TNKS1BP1: variants seen among roughly 807,000 people sequenced by gnomAD.
TNKS1BP1 encodes the protein CCR4-NOT transcription complex subunit 12.
TNKS1BP1 carries 48 observed loss-of-function variants against 141.1 expected under a neutral mutation model. That is an observed-to-expected ratio of 0.34 (90% CI 0.27 to 0.43). The LOEUF (loss-of-function observed/expected upper bound fraction) is 0.43. Among genes scored for constraint, TNKS1BP1 ranks in the 20% least tolerant of loss-of-function variants. TNKS1BP1 has a pLI of 1.00. For synonymous variants in TNKS1BP1, 875 were observed against 898.2 expected (o/e 0.97, Z 0.46); for missense variants, 2,149 against 2,226.0 (o/e 0.97, Z 0.70).
chr11:57,321,748 A>G, intron 2 of TNKS1BP1, 44 bp downstream of exon 2: 114 of 669,526 alleles, frequency 1.7e-4, no homozygotes, highest in Non-Finnish European at 2.6e-4. Context: ...TGTCCTTCCC[A>G]CCCCCCTCCC....
chr11:57,321,744 T>TGGGCCCC, intron 2 of TNKS1BP1, 48 bp downstream of exon 2: 1 of 1,039,818 alleles, frequency 9.6e-7, no homozygotes, highest in Non-Finnish European at 1.5e-6. Flanking sequence ...CCTCTGTCCT[T>TGGGCCCC]CCCACCCCCC....
intron 2 of TNKS1BP1, 105 bp from the exon 3 acceptor site, chr11:57,320,817 T>G: frequency 1.5e-6 from 2 of 1,319,588 alleles, no homozygotes; most frequent in Non-Finnish European, 2.0e-6. Flanking sequence ...TTTAAGAATA[T>G]TCACATCTTT....
rs779904864 is a variant in TNKS1BP1 at position 57,309,055 on chromosome 11, C to A, written c.3656G>T (p.Gly1219Val). The A allele has an allele frequency of 5.6e-6, 9 of 1,614,020 alleles. No homozygotes were observed. The East Asian group carries it at 1.8e-4, about 32-fold the overall frequency. Residue 1219 changes from glycine (G) to valine (V), a missense_variant, in exon 6 of 12, where the codon GGA becomes GTA. By Grantham distance (109) the Gly-to-Val change is moderately radical. Transcript: ENST00000358252. The surrounding 1 kb of genome is among the most constrained non-coding windows in gnomAD (Gnocchi z 4.3). ...CCAGTCCTTCTCCCCAACTCCGATT[C>A]CCCCCGGCTCTTCAGACCCTCCACT... Reference protein sequence around the residue: ...LESGGSEEPGGIGVGEKDWTS... With the variant: ...LESGGSEEPGVIGVGEKDWTS...
At chr11:57,315,231 C>T (rs535788539) in intron 4 of TNKS1BP1, among the ~76,000 whole-genome samples, 8 of 152,140 alleles carry the variant, frequency 5.3e-5, no homozygotes, top group Non-Finnish European at 7.4e-5. Flanking sequence ...CCCACTTGCC[C>T]ACCCCCACCG....
rs758493025 is a variant in TNKS1BP1 at position 57,309,054 on chromosome 11, T to C, written c.3657A>G (p.Gly1219=). The part of the protein sequence containing the change: ...LESGGSEEPG[G]IGVGEKDWTS... ...TCCAGTCCTTCTCCCCAACTCCGAT[T>C]CCCCCCGGCTCTTCAGACCCTCCAC... The change falls in exon 6 of 12, where the codon GGA becomes GGG. Residue 1219 remains glycine, a synonymous_variant. Transcript: ENST00000358252. This position sits in a 1 kb window ranked among gnomAD's most constrained non-coding sequence, Gnocchi z 4.3. 9.9e-6 allele frequency: 16 copies of C among 1,613,556 alleles called. No homozygotes were observed. Among genetic ancestry groups the C allele is most frequent in the African/African-American group, 1.3e-5 (1 of 74,800 alleles).
chr11:57,312,461 T>C, intron 5 of TNKS1BP1, 73 bp downstream of exon 5: 1 of 1,379,772 alleles, frequency 7.2e-7, no homozygotes, highest in Non-Finnish European at 9.4e-7. Context: ...AAAATCCATG[T>C]TCAAAGAATG....
In TNKS1BP1 at chr11:57,310,495, T is replaced by A. The variant is rs1283232887; in HGVS notation, c.2216A>T (p.Gln739Leu). Reference sequence around the variant, plus strand: ...GCTGGAAGGACTGAAACTGCTGGGCTGTGGGTCTCCTGTGATCCCAAATTC... The same window carrying A: ...GCTGGAAGGACTGAAACTGCTGGGCAGTGGGTCTCCTGTGATCCCAAATTC... ...QSEFGITGDPQPSSFSPSSWC... is the reference protein window; with the variant it reads ...QSEFGITGDPLPSSFSPSSWC... The change falls in exon 6 of 12, where the codon CAG (glutamine) becomes CTG (leucine). Residue 739 changes from glutamine to leucine, a missense_variant. Coordinates refer to ENST00000358252, the MANE Select transcript of TNKS1BP1 (RefSeq NM_033396.3). The A allele has an allele frequency of 6.2e-7, 1 of 1,610,984 alleles. No homozygotes were observed. The highest frequency in any genetic ancestry group is 8.5e-7 in the Non-Finnish European group (1 of 1,180,014).
At position 57,310,322 on chromosome 11, in the gene TNKS1BP1, C is replaced by T. The variant is rs546753698; in HGVS notation, c.2389G>A (p.Gly797Ser). 7 of 1,613,994 alleles carry T rather than the reference C, an allele frequency of 4.3e-6. No individual in the cohort carries two copies. Among genetic ancestry groups the T allele is most frequent in the East Asian group, 2.2e-5 (1 of 44,878 alleles). ...CTGCTGGCCTCCATCTCCTCCTGGC[C>T]GATGCCACACCTGCTGGCCCACTCC... ...TREWASRCGI[G>S]QEEMEASSSQ... Residue 797 changes from glycine (G) to serine (S), a missense_variant, in exon 6 of 12, where the codon GGC becomes AGC. Gly to Ser is a moderately conservative substitution (Grantham distance 56). Transcript: ENST00000358252.
At chr11:57,303,459 T>G (rs1855560706) in intron 6 of TNKS1BP1, 1 of 152,642 alleles carries the variant, frequency 6.6e-6, no homozygotes, top group Non-Finnish European at 1.5e-5. Flanking sequence ...GGTTCAATTC[T>G]GCTTCCGAAG....
chr11:57,309,655 G>C lies in TNKS1BP1; in HGVS notation c.3056C>G (p.Pro1019Arg). ...LGEGSRDAGRPGERGSGGLFS... is the reference protein window; with the variant it reads ...LGEGSRDAGRRGERGSGGLFS... ...CAAGCCCCCGGATCCTCTCTCTCCT[G>C]GCCGGCCAGCATCCCTGCTGCCCTC... The change falls in exon 6 of 12, where the codon CCA (proline) becomes CGA (arginine). Residue 1019 changes from proline (P) to arginine (R), a missense_variant. Coordinates refer to ENST00000358252, the MANE Select transcript of TNKS1BP1 (RefSeq NM_033396.3). This position sits in a 1 kb window ranked among gnomAD's most constrained non-coding sequence, Gnocchi z 4.3. 1 of 1,614,188 alleles carries C rather than the reference G, an allele frequency of 6.2e-7. No homozygotes were observed. The highest frequency in any genetic ancestry group is 2.2e-5 in the East Asian group (1 of 44,874).
intron 5 of TNKS1BP1, 109 bp downstream of exon 5, chr11:57,312,425 T>C: frequency 7.8e-7 from 1 of 1,283,144 alleles, no homozygotes; most frequent in Non-Finnish European, 1.0e-6. Context: ...CCTTGCTCAC[T>C]ACCACAGCCC....
In TNKS1BP1 at chr11:57,301,940, G is replaced by A. The variant is rs1855530753; in HGVS notation, c.4838C>T (p.Pro1613Leu). 2 of 1,613,438 alleles carry A rather than the reference G, an allele frequency of 1.2e-6. No individual in the cohort carries two copies. The highest frequency in any genetic ancestry group is 1.7e-6 in the Non-Finnish European group (2 of 1,179,716). The part of the protein sequence containing the change: ...DAHLFQDSTE[P>L]RASRVPSSDE... ...TGAAGATGGCACCCGAGATGCCCGT[G>A]GCTCTGCAAAGGCCCGGGAAAGGGG... The change falls in exon 9 of 12, where the codon CCA becomes CTA. Residue 1613 changes from proline (P) to leucine (L), a missense_variant. Coordinates refer to ENST00000358252, the MANE Select transcript of TNKS1BP1 (RefSeq NM_033396.3).
intron 4 of TNKS1BP1, among the ~76,000 whole-genome samples, chr11:57,316,225 C>G (rs1458847266): frequency 6.6e-6 from 1 of 152,168 alleles, no homozygotes; most frequent in African/African-American, 2.4e-5. Flanking sequence ...GGCGCCCTCC[C>G]CCAGTCCTGG....
At chr11:57,312,224 A>G (rs1855723728) in intron 5 of TNKS1BP1, among the ~76,000 whole-genome samples, 1 of 152,178 alleles carries the variant, frequency 6.6e-6, no homozygotes, top group Non-Finnish European at 1.5e-5. Flanking sequence ...ACCTCGATTT[A>G]CCCACAATAT....
chr11:57,304,911 A>G (rs1270684106), intron 6 of TNKS1BP1, among the ~76,000 whole-genome samples: 1 of 149,364 alleles, frequency 6.7e-6, no homozygotes, highest in African/African-American at 2.4e-5. Flanking sequence ...TCCTAAAGCG[A>G]GAGGTGGCCC....
Position 57,309,046 on chromosome 11 carries a change from A to C in TNKS1BP1, c.3665T>G (p.Val1222Gly). The change falls in exon 6 of 12, where the codon GTT (valine) becomes GGT (glycine). Residue 1222 changes from valine (V) to glycine (G), a missense_variant. Physicochemically the swap from Val to Gly is moderately radical, Grantham distance 109 (BLOSUM62 -3). Coordinates refer to ENST00000358252, the MANE Select transcript of TNKS1BP1 (RefSeq NM_033396.3). The surrounding 1 kb of genome is among the most constrained non-coding windows in gnomAD (Gnocchi z 4.3). ...ATCAGAAGTCCAGTCCTTCTCCCCA[A>C]CTCCGATTCCCCCCGGCTCTTCAGA... ...GGSEEPGGIG[V>G]GEKDWTSDVN... 6.2e-7 allele frequency: 1 copy of C among 1,613,102 alleles called. No individual in the cohort carries two copies. The highest frequency in any genetic ancestry group is 8.5e-7 in the Non-Finnish European group (1 of 1,179,792).
rs773367440 is a variant in TNKS1BP1, at chr11:57,313,155, C to A, written c.1533G>T (p.Glu511Asp). 1 of 1,613,040 alleles carries A rather than the reference C, an allele frequency of 6.2e-7. No homozygotes were observed. The highest frequency in any genetic ancestry group is 1.7e-5 in the Admixed American group (1 of 60,032). ...TEASEAAEAA[E>D]AGNLAVSSRE... ...TGCTGGAAACGGCCAAGTTGCCAGC[C>A]TCAGCAGCCTCGGCGGCCTCACTGG... is the stretch of plus-strand genomic sequence containing the variant. Residue 511 changes from glutamate to aspartate, a missense_variant, in exon 5 of 12, where the codon GAG becomes GAT. Glu to Asp is a conservative substitution (Grantham distance 45). Coordinates refer to ENST00000358252, the MANE Select transcript of TNKS1BP1 (RefSeq NM_033396.3).
chr11:57,319,196 A>AT (rs1855843989), intron 3 of TNKS1BP1, among the ~76,000 whole-genome samples: 1 of 151,466 alleles, frequency 6.6e-6, no homozygotes. Context: ...CTCCCATCAG[A>AT]TTCCACCTCA....
At chr11:57,311,309 C>T in intron 5 of TNKS1BP1, 1 of 985,860 alleles carries the variant, frequency 1.0e-6, no homozygotes, top group East Asian at 1.1e-4. Flanking sequence ...GCAGCGTTGG[C>T]CAGCAGCCGC....
Sources: gnomAD v4.1 joint callset for allele counts (sites outside exome capture counted in the v4.1 genomes callset) on GRCh38, gnomAD v4.1.1 for gene constraint, Gnocchi (gnomAD v3.1) non-coding constraint, MANE v1.5 for transcripts, NCBI Gene and HGNC (gene_info 2026-07-23, HGNC 2026-07-21) for gene names.